NEK10: variants seen among roughly 807,000 people sequenced by gnomAD.
NEK10 encodes serine/threonine-protein kinase Nek10.
A neutral mutation model predicts 159.8 loss-of-function variants in NEK10; 122 were observed. That is an observed-to-expected ratio of 0.76 (90% CI 0.66 to 0.89). The LOEUF is 0.89. Among genes scored for constraint, NEK10 ranks in the 40% least tolerant of loss-of-function variants. The pLI is 0.00. For missense variants in NEK10, 1,342 were observed against 1,323.1 expected (o/e 1.01, Z -0.22); for synonymous variants, 466 against 457.1 (o/e 1.02, Z -0.25).
chr3:27,189,102 C>T (rs1451962248), intron 26 of NEK10, among the ~76,000 whole-genome samples: 1 of 152,030 alleles, frequency 6.6e-6, no homozygotes, highest in East Asian at 1.9e-4. Flanking sequence ...CTATACTCTC[C>T]TTATGATCTC....
intron 33 of NEK10, among the ~76,000 whole-genome samples, chr3:27,117,482 A>G (rs892905078): frequency 2.0e-5 from 3 of 152,196 alleles, no homozygotes; most frequent in Admixed American, 6.5e-5. Context: ...CAGCCTTGCC[A>G]ACATCTGTTG....
intron 12 of NEK10, among the ~76,000 whole-genome samples, 195 bp from the exon 13 acceptor site, chr3:27,302,030 C>G (rs753846714): frequency 1.3e-5 from 2 of 152,160 alleles, no homozygotes; most frequent in African/African-American, 2.4e-5. Context: ...TTACTGATTT[C>G]TCACTATTTA....
intron 32 of NEK10, among the ~76,000 whole-genome samples, chr3:27,129,176 C>T (rs1206239506): frequency 3.3e-5 from 5 of 152,184 alleles, no homozygotes; most frequent in African/African-American, 1.2e-4. Context: ...GGATTGAAGA[C>T]TAACTTAGGT....
At chr3:27,340,234 G>A (rs368392292) in intron 5 of NEK10, among the ~76,000 whole-genome samples, 5 of 152,082 alleles carry the variant, frequency 3.3e-5, no homozygotes, top group Admixed American at 6.6e-5. Context: ...GGAAGCCATC[G>A]TTCTCAGCAA....
chr3:27,183,820 G>A (rs190479393), intron 26 of NEK10, among the ~76,000 whole-genome samples: 1 of 152,146 alleles, frequency 6.6e-6, no homozygotes, highest in Non-Finnish European at 1.5e-5. Flanking sequence ...TATATAAATA[G>A]CTAAAATCAA....
At chr3:27,302,235 T>C (rs2043885988) in intron 12 of NEK10, among the ~76,000 whole-genome samples, 1 of 152,206 alleles carries the variant, frequency 6.6e-6, no homozygotes, top group Non-Finnish European at 1.5e-5. Context: ...GCCCTTTTCA[T>C]TTTACTCTGT....
At chr3:27,329,497 C>T (rs1470883940) in intron 5 of NEK10, among the ~76,000 whole-genome samples, 1 of 152,168 alleles carries the variant, frequency 6.6e-6, no homozygotes, top group African/African-American at 2.4e-5. Context: ...CTCTCAGAAA[C>T]TTATGTACTC....
chr3:27,206,199 GA>G (rs1950527981), intron 23 of NEK10, among the ~76,000 whole-genome samples: 1 of 152,046 alleles, frequency 6.6e-6, no homozygotes, highest in African/African-American at 2.4e-5. Flanking sequence ...CTTTCCTCTT[GA>G]AACACTGCTA....
intron 5 of NEK10, among the ~76,000 whole-genome samples, chr3:27,333,991 C>T (rs1263941612): frequency 6.6e-6 from 1 of 152,194 alleles, no homozygotes; most frequent in Non-Finnish European, 1.5e-5. Flanking sequence ...AGAGGTTGCC[C>T]CATTCCTGCC....
At position 27,180,846 on chromosome 3, in the gene NEK10, T is replaced by C. The variant is rs189846203; in HGVS notation, c.2506-6013A>G. Among the ~76,000 whole-genome samples the C allele has an allele frequency of 1.5e-3, 223 of 152,264 alleles. 1 individual carries two copies. Among genetic ancestry groups the C allele is most frequent in the Middle Eastern group, 6.8e-3 (2 of 294 alleles). The stretch of plus-strand genomic sequence containing the variant: ...TTCATTCTTGGCTCTCAGTGGTTTA[T>C]TCCTACTCAGCGGCCACCTATATCA... On this transcript the variant is annotated intron_variant, in intron 26 of 35. Coordinates refer to ENST00000691995, the MANE Select transcript of NEK10 (RefSeq NM_001394966.1).
rs541483879 is a variant in NEK10 at position 27,202,176 on chromosome 3, A to G, written c.2220+252T>C. 8.6e-3 allele frequency among the ~76,000 whole-genome samples: 1,311 copies of G among 152,010 alleles called. 5 individuals are homozygous for G. Among genetic ancestry groups the G allele is most frequent in the Non-Finnish European group, 0.013 (872 of 67,968 alleles). ...AAAAATAAATAAATTAAATAAATAA[A>G]TAATAGAAGACCAAACGTCTTTTTA... On this transcript the variant is annotated intron_variant, in intron 24 of 35. Transcript: ENST00000691995.
At chr3:27,214,574 T>C (rs1459743186) in intron 23 of NEK10, among the ~76,000 whole-genome samples, 3 of 151,976 alleles carry the variant, frequency 2.0e-5, no homozygotes, top group Admixed American at 2.0e-4. Context: ...CCTATTTTTG[T>C]TTAATTTATT....
Position 27,291,384 on chromosome 3 carries a change from C to T in NEK10, c.1483G>A (p.Glu495Lys), listed in dbSNP as rs1024978731. 1.6e-5 allele frequency: 26 copies of T among 1,611,790 alleles called. No homozygotes were observed. The highest frequency in any genetic ancestry group is 2.0e-5 in the Non-Finnish European group (23 of 1,178,886). Residue 495 changes from glutamate to lysine, a missense_variant, in exon 18 of 36, where the codon GAA becomes AAA. Physicochemically the swap from Glu to Lys is moderately conservative, Grantham distance 56. Transcript: ENST00000691995. Reference sequence around the variant, plus strand: ...ATATTTTCAGCAATTTGCTTCAGTTCATCCTCCTAATCAAAATATAAAAAG... The same window carrying T: ...ATATTTTCAGCAATTTGCTTCAGTTTATCCTCCTAATCAAAATATAAAAAG... ...VSKLNLLVED[E>K]LKQIAENIES...
At chr3:27,236,763 A>C (rs1953960103) in intron 23 of NEK10, among the ~76,000 whole-genome samples, 2 of 152,186 alleles carry the variant, frequency 1.3e-5, no homozygotes, top group Non-Finnish European at 2.9e-5. Flanking sequence ...AGCAAAGATC[A>C]CAAGGCAAAG....
chr3:27,295,587 T>C (rs780288295), intron 15 of NEK10, 26 bp downstream of exon 15: 25 of 1,541,432 alleles, frequency 1.6e-5, no homozygotes, highest in Non-Finnish European at 2.2e-5. Context: ...AACTTGATAC[T>C]GAAGGACAAG....
At position 27,344,263 on chromosome 3, in the gene NEK10, C is replaced by A. The variant is rs1354103918; in HGVS notation, c.362+9G>T. Reference sequence around the variant, plus strand: ...TCAGTAAAAGCCTGTTTTCCAGGAACAATCTTACCTGCTTATGAGTCTATT... The same window carrying A: ...TCAGTAAAAGCCTGTTTTCCAGGAAAAATCTTACCTGCTTATGAGTCTATT... On this transcript the variant is annotated intron_variant, in intron 5 of 35. Coordinates refer to ENST00000691995, the MANE Select transcript of NEK10 (RefSeq NM_001394966.1). 3.5e-6 allele frequency: 5 copies of A among 1,420,164 alleles called. No homozygotes were observed. Among genetic ancestry groups the A allele is most frequent in the Non-Finnish European group, 4.9e-6 (5 of 1,012,068 alleles). 88.0% of individuals were successfully genotyped at this position (1,420,164 alleles called of 1,614,324 possible). A position where few individuals can be genotyped will look rare whatever the true frequency, so the allele number is the denominator to read the frequency against.
At chr3:27,322,390 A>T (rs1369343218) in intron 5 of NEK10, 129 bp from the exon 6 acceptor site, 4 of 635,862 alleles carry the variant, frequency 6.3e-6, no homozygotes, top group Non-Finnish European at 1.1e-5. Flanking sequence ...GGGGACTGTT[A>T]TTTGGTACTT....
intron 23 of NEK10, among the ~76,000 whole-genome samples, chr3:27,205,865 A>C (rs1950500334): frequency 6.7e-6 from 1 of 148,330 alleles, no homozygotes; most frequent in Non-Finnish European, 1.5e-5. Flanking sequence ...AATGGGATCT[A>C]ATTAAACTAA....
rs574063781 is a variant in NEK10 at position 27,232,804 on chromosome 3, T to C, written c.2090+23492A>G. ...TCAACAAAACAAACAAAAACATAAA[T>C]TGGGGGAAAGGATACACTATTCAAT... is the stretch of plus-strand genomic sequence containing the variant. On this transcript the variant is annotated intron_variant, in intron 23 of 35. Coordinates refer to ENST00000691995, the MANE Select transcript of NEK10 (RefSeq NM_001394966.1). 6.6e-5 allele frequency among the ~76,000 whole-genome samples: 10 copies of C among 151,704 alleles called. No homozygotes were observed. The East Asian group carries it at 1.2e-3, about 18-fold the overall frequency.
Sources: allele counts gnomAD v4.1 joint callset (sites outside exome capture counted in the v4.1 genomes callset), GRCh38; gene constraint gnomAD v4.1.1; transcripts MANE v1.5; gene names NCBI Gene and HGNC (gene_info 2026-07-23, HGNC 2026-07-21).